RAB3C: variants seen among roughly 807,000 people sequenced by gnomAD.
RAB3C encodes the protein ras-related protein Rab-3C.
In RAB3C, 17 loss-of-function variants were observed where a neutral mutation model predicts 26.4. That is an observed-to-expected ratio of 0.64 (90% CI 0.44 to 0.97). The LOEUF is 0.97. RAB3C is among the 50% of genes least tolerant of loss of function. The pLI, the probability that RAB3C is intolerant of heterozygous loss-of-function variation, is 0.00. For synonymous variants in RAB3C, 91 were observed against 95.9 expected (o/e 0.95, Z 0.30); for missense variants, 242 against 281.9 (o/e 0.86, Z 1.01).
intron 3 of RAB3C, among the ~76,000 whole-genome samples, chr5:58,790,641 C>G (rs1423381624): frequency 6.6e-6 from 1 of 152,186 alleles, no homozygotes; most frequent in Admixed American, 6.5e-5. Flanking sequence ...CTAGAGCCTA[C>G]TCTCTGCTTC....
intron 2 of RAB3C, among the ~76,000 whole-genome samples, chr5:58,630,933 G>A (rs1321402216): frequency 6.6e-6 from 1 of 152,130 alleles, no homozygotes; most frequent in Non-Finnish European, 1.5e-5. Context: ...CCTATATGCT[G>A]GCAGATTAAA....
intron 3 of RAB3C, chr5:58,794,436 T>C (rs567205711): frequency 6.6e-6 from 1 of 152,092 alleles, no homozygotes; most frequent in South Asian, 2.1e-4. Flanking sequence ...AAAATAGCAA[T>C]ATATAACACT....
intron 2 of RAB3C, among the ~76,000 whole-genome samples, chr5:58,704,422 T>A (rs1057501232): frequency 1.3e-5 from 2 of 152,188 alleles, no homozygotes; most frequent in African/African-American, 4.8e-5. Context: ...TAAAGGACTC[T>A]GATAGAATAA....
intron 3 of RAB3C, among the ~76,000 whole-genome samples, chr5:58,742,315 T>C (rs987235358): frequency 6.6e-6 from 1 of 152,200 alleles, no homozygotes; most frequent in East Asian, 1.9e-4. Context: ...CGTTTTTATA[T>C]AGCCCTCATC....
chr5:58,705,253 C>T (rs967798661), intron 2 of RAB3C, among the ~76,000 whole-genome samples: 2 of 151,876 alleles, frequency 1.3e-5, no homozygotes, highest in Non-Finnish European at 2.9e-5. Context: ...TTTTTAAGTT[C>T]GTATTTATAA....
At chr5:58,587,476 C>G (rs189175864) in intron 1 of RAB3C, among the ~76,000 whole-genome samples, 8 of 152,194 alleles carry the variant, frequency 5.3e-5, no homozygotes, top group African/African-American at 1.9e-4. Context: ...CAGTCTATTA[C>G]CAAGGATACT....
chr5:58,692,054 A>G (rs141481079), intron 2 of RAB3C, among the ~76,000 whole-genome samples: 2,268 of 152,324 alleles, frequency 0.015, 52 homozygotes, highest in African/African-American at 0.05. Flanking sequence ...AGCCTGCTGT[A>G]CAATGGTTCT....
chr5:58,613,428 G>T (rs1746755855), intron 1 of RAB3C, among the ~76,000 whole-genome samples: 1 of 152,138 alleles, frequency 6.6e-6, no homozygotes, highest in Non-Finnish European at 1.5e-5. Context: ...GGCCTTAGAT[G>T]AACACATAAA....
intron 2 of RAB3C, among the ~76,000 whole-genome samples, chr5:58,694,125 TG>T (rs1182846910): frequency 3.9e-5 from 6 of 152,044 alleles, no homozygotes; most frequent in African/African-American, 1.4e-4. Flanking sequence ...TGATGTTCCC[TG>T]CCCTGTGTCC....
In RAB3C at chr5:58,855,825, T is replaced by C. The variant is rs77465645; in HGVS notation, c.*4474T>C. On this transcript the variant is annotated 3_prime_UTR_variant, in exon 5 of 5. Transcript: ENST00000282878. The stretch of plus-strand genomic sequence containing the variant: ...GCACAGCACTGTATCTAAAGGGCTC[T>C]AGGTTGTAGAAATATAGTACCCCCT... The C allele has an allele frequency of 2.0e-5, 3 of 152,338 alleles. No homozygotes were observed. The highest frequency in any genetic ancestry group is 7.2e-5 in the African/African-American group (3 of 41,574). The allele number at this position is 152,338 out of a possible 1,614,324, so 9.4% of individuals were successfully genotyped here.
intron 1 of RAB3C, among the ~76,000 whole-genome samples, chr5:58,609,128 A>G (rs1420674019): frequency 1.3e-5 from 2 of 152,208 alleles, no homozygotes; most frequent in Non-Finnish European, 2.9e-5. Flanking sequence ...AACATGGCAC[A>G]TGTGTACCTA....
intron 3 of RAB3C, among the ~76,000 whole-genome samples, chr5:58,810,431 C>T (rs1301514679): frequency 6.7e-6 from 1 of 148,608 alleles, no homozygotes; most frequent in East Asian, 2.0e-4. Context: ...TTAGAAGTTA[C>T]TTTGTTTTGT....
Position 58,851,413 on chromosome 5 carries a change from T to A in RAB3C, c.*62T>A. 7.3e-7 allele frequency: 1 copy of A among 1,362,776 alleles called. No homozygotes were observed. Among genetic ancestry groups the A allele is most frequent in the Non-Finnish European group, 1.0e-6 (1 of 996,314 alleles). The allele number at this position is 1,362,776 out of a possible 1,614,324, so 84.4% of individuals were successfully genotyped here. A position where few individuals can be genotyped will look rare whatever the true frequency, so the allele number is the denominator to read the frequency against. ...GTTGCCAACAAACAGCATTTGTAAA[T>A]GGTCTATTAGCCTTCATTTATACTG... On this transcript the variant is annotated 3_prime_UTR_variant, in exon 5 of 5. Transcript: ENST00000282878.
intron 2 of RAB3C, among the ~76,000 whole-genome samples, chr5:58,627,471 T>TAAAAAAAAAAAAAAA (rs58104232): frequency 2.9e-5 from 2 of 68,422 alleles, no homozygotes; most frequent in South Asian, 5.7e-4. Context: ...GACTCCGTCT[T>TAAAAAAAAAAAAAAA]AAAAAAAAAA....
At chr5:58,719,539 C>G (rs2111910176) in intron 2 of RAB3C, among the ~76,000 whole-genome samples, 1 of 152,018 alleles carries the variant, frequency 6.6e-6, no homozygotes, top group African/African-American at 2.4e-5. Flanking sequence ...CCTAGGGCTG[C>G]TATAACAAAG....
intron 2 of RAB3C, among the ~76,000 whole-genome samples, chr5:58,675,470 T>G (rs1748203674): frequency 2.0e-5 from 3 of 152,148 alleles, no homozygotes. Context: ...TCAAATTTTC[T>G]TCTCAGCAGA....
At chr5:58,710,607 TAAATAAATAA>T (rs1561296799) in intron 2 of RAB3C, among the ~76,000 whole-genome samples, 58 of 147,856 alleles carry the variant, frequency 3.9e-4, no homozygotes, top group South Asian at 1.1e-3. Flanking sequence ...TCAAAATAAA[TAAATAAATAA>T]ATAAATAAAT....
intron 2 of RAB3C, chr5:58,689,210 T>A (rs1322005745): frequency 3.9e-5 from 6 of 152,150 alleles, no homozygotes; most frequent in Non-Finnish European, 7.4e-5. Flanking sequence ...CTCTTAATTA[T>A]TACTATATAC....
At chr5:58,750,561 T>G (rs1387534711) in intron 3 of RAB3C, among the ~76,000 whole-genome samples, 1 of 152,184 alleles carries the variant, frequency 6.6e-6, no homozygotes, top group African/African-American at 2.4e-5. Context: ...TTAGAAAACA[T>G]TGAAACTCTT....
Sources: gnomAD v4.1 joint callset for allele counts (sites outside exome capture counted in the v4.1 genomes callset) on GRCh38, gnomAD v4.1.1 for gene constraint, MANE v1.5 for transcripts, NCBI Gene and HGNC (gene_info 2026-07-23, HGNC 2026-07-21) for gene names.